The following MVP variants were observed in gnomAD, a reference collection of about 807,000 sequenced individuals.
The protein encoded by MVP is lung resistance-related protein.
Under a neutral mutation model 83.5 loss-of-function variants are expected in MVP, and 62 were observed. The observed-to-expected ratio is 0.74, with a 90% CI of 0.61 to 0.92. The LOEUF (loss-of-function observed/expected upper bound fraction) is 0.92, where lower values mean the gene tolerates loss of function less well. MVP is among the 40% of genes least tolerant of loss of function. The pLI is 0.00. For missense variants in MVP, 1,000 were observed against 1,203.4 expected, an observed-to-expected ratio of 0.83 and a Z score of 2.50; for synonymous variants, 505 against 504.1, an observed-to-expected ratio of 1.00 and a Z score of -0.02.
intron 10 of MVP, among the ~76,000 whole-genome samples, chr16:29,843,370 C>G (rs1265807683): frequency 6.6e-6 from 1 of 150,634 alleles, no homozygotes; most frequent in Non-Finnish European, 1.5e-5. Flanking sequence ...TGGTACATGT[C>G]TATAGACCCA....
intron 5 of MVP, chr16:29,834,508 A>G (rs1249987736): frequency 4.9e-6 from 1 of 205,950 alleles, no homozygotes; most frequent in African/African-American, 2.4e-5. Flanking sequence ...ATCTCTACAG[A>G]GAATTTAAAA....
At chr16:29,844,930 G>A in intron 11 of MVP, 51 bp downstream of exon 11, 2 of 1,550,232 alleles carry the variant, frequency 1.3e-6, no homozygotes, top group East Asian at 2.2e-5. Flanking sequence ...GCAGGCCACT[G>A]CTGGGAACTG....
chr16:29,845,763 C>T (rs551679388), intron 11 of MVP, 100 bp from the exon 12 acceptor site: 1 of 975,696 alleles, frequency 1.0e-6, no homozygotes, highest in South Asian at 1.5e-5. Flanking sequence ...GGGCTGGGGT[C>T]TGTCCTGGGC....
At chr16:29,837,861 A>G (rs913371377) in intron 7 of MVP, among the ~76,000 whole-genome samples, 1 of 152,114 alleles carries the variant, frequency 6.6e-6, no homozygotes, top group African/African-American at 2.4e-5. Context: ...CCTGGTGTTC[A>G]CTTTGCTTTG....
Position 29,845,863 on chromosome 16 carries a change from G to A in MVP, c.2022G>A (p.Lys674=). ...ITTNSQEAAA[K]HEAQRLEQEA... The stretch of plus-strand genomic sequence containing the variant: ...CTCACCTGCGCTCCGTCTCCTCCAG[G>A]CATGAGGCTCAGAGACTGGAGCAGG... The change falls in exon 12 of 15, where the codon AAG becomes AAA. Residue 674 remains lysine, a splice_region_variant and synonymous_variant. Coordinates refer to ENST00000357402, the MANE Select transcript of MVP (RefSeq NM_005115.5). The A allele has an allele frequency of 1.9e-5, 30 of 1,613,672 alleles. No homozygotes were observed. The highest frequency in any genetic ancestry group is 2.5e-5 in the Non-Finnish European group (30 of 1,179,680).
At chr16:29,837,091 T>A (rs2067494355) in intron 7 of MVP, 133 bp downstream of exon 7, 1 of 807,718 alleles carries the variant, frequency 1.2e-6, no homozygotes. Flanking sequence ...GCTTAGTTCT[T>A]ACACACCTGA....
Position 29,847,356 on chromosome 16 carries a change from G to A in MVP, c.2425G>A (p.Asp809Asn). The change falls in exon 14 of 15, where the codon GAC becomes AAC. Residue 809 changes from aspartate to asparagine, a missense_variant. By Grantham distance (23) the Asp-to-Asn change is conservative. Transcript: ENST00000357402. ...TEAIGPSTIR[D>N]LAVAGPEMQV... ...GGCCATAGGCCCCAGCACCATCAGG[G>A]ACCTTGCTGTGGCTGGGCCTGAGAT... 6.4e-7 allele frequency: 1 copy of A among 1,574,024 alleles called. No homozygotes were observed. Among genetic ancestry groups the A allele is most frequent in the Non-Finnish European group, 8.6e-7 (1 of 1,163,158 alleles).
In MVP at chr16:29,836,648, G is replaced by T. The variant is rs180939817; in HGVS notation, c.673-74G>T. ...AGATCTGGGAGCATTGGGAGCATTT[G>T]GTGGCCAATGGGGCTCGCAGATCCC... On this transcript the variant is annotated intron_variant, in intron 6 of 14. Coordinates refer to ENST00000357402, the MANE Select transcript of MVP (RefSeq NM_005115.5). 5.1e-6 allele frequency: 6 copies of T among 1,188,024 alleles called. No homozygotes were observed. The East Asian group carries it at 9.9e-5, about 20-fold the overall frequency. 73.6% of individuals were successfully genotyped at this position (1,188,024 alleles called of 1,614,324 possible). A position where few individuals can be genotyped will look rare whatever the true frequency, so the allele number is the denominator to read the frequency against.
At chr16:29,824,061 A>C (rs774155885) in intron 1 of MVP, among the ~76,000 whole-genome samples, 2 of 151,450 alleles carry the variant, frequency 1.3e-5, no homozygotes, top group Non-Finnish European at 2.9e-5. Flanking sequence ...TCCACTAAAA[A>C]CAAAATTATC....
intron 1 of MVP, chr16:29,820,817 G>A (rs9923649): frequency 0.16 from 24,548 of 152,154 alleles, 2,180 homozygotes; most frequent in African/African-American, 0.24. Flanking sequence ...AATCAGGTGG[G>A]GAACCTTACA....
chr16:29,821,910 A>G (rs1325680614), intron 1 of MVP, among the ~76,000 whole-genome samples: 1 of 152,196 alleles, frequency 6.6e-6, no homozygotes, highest in Non-Finnish European at 1.5e-5. Context: ...GCCTGCAAAA[A>G]GCAGCAGGAG....
At chr16:29,840,110 G>A in intron 7 of MVP, 68 bp from the exon 8 acceptor site, 1 of 1,495,844 alleles carries the variant, frequency 6.7e-7, no homozygotes, top group South Asian at 1.3e-5. Flanking sequence ...GCACAGGACT[G>A]GGGAGGTACC....
In MVP at chr16:29,842,111, T is replaced by G; in HGVS notation, c.1633T>G (p.Trp545Gly). Reference sequence around the variant, plus strand: ...GCTGCAACTGCAGCTGGCCTACAACTGGTAAAAATGGGGACAGGGCATGGG... The same window carrying G: ...GCTGCAACTGCAGCTGGCCTACAACGGGTAAAAATGGGGACAGGGCATGGG... Reference protein sequence around the residue: ...ARLQLQLAYNWHFEVNDRKDP... With the variant: ...ARLQLQLAYNGHFEVNDRKDP... The change falls in exon 10 of 15, where the codon TGG becomes GGG. Residue 545 changes from tryptophan (W) to glycine (G), a missense_variant and splice_region_variant. By Grantham distance (184) the Trp-to-Gly change is radical. Coordinates refer to ENST00000357402, the MANE Select transcript of MVP (RefSeq NM_005115.5). The G allele has an allele frequency of 6.3e-7, 1 of 1,597,142 alleles. No homozygotes were observed. The highest frequency in any genetic ancestry group is 8.5e-7 in the Non-Finnish European group (1 of 1,176,956).
intron 1 of MVP, among the ~76,000 whole-genome samples, chr16:29,825,688 C>T (rs2067400157): frequency 1.3e-5 from 2 of 152,208 alleles, no homozygotes; most frequent in Non-Finnish European, 2.9e-5. Context: ...TGCTGAGTCA[C>T]TGAGCTGGGC....
chr16:29,824,261 T>C (rs1596907323), intron 1 of MVP, among the ~76,000 whole-genome samples: 1 of 137,846 alleles, frequency 7.3e-6, no homozygotes, highest in African/African-American at 2.7e-5. Flanking sequence ...AGATGACCAG[T>C]GTGCAGCCCG....
At position 29,842,110 on chromosome 16, in the gene MVP, C is replaced by G. The variant is rs2067540927; in HGVS notation, c.1632C>G (p.Asn544Lys). The G allele has an allele frequency of 6.3e-7, 1 of 1,598,584 alleles. No individual in the cohort carries two copies. The highest frequency in any genetic ancestry group is 8.5e-7 in the Non-Finnish European group (1 of 1,177,554). The change falls in exon 10 of 15, where the codon AAC becomes AAG. Residue 544 changes from asparagine (N) to lysine (K), a missense_variant and splice_region_variant. Physicochemically the swap from Asn to Lys is moderately conservative, Grantham distance 94 (BLOSUM62 0). Transcript: ENST00000357402. ...HARLQLQLAY[N>K]WHFEVNDRKD... is the part of the protein sequence containing the mutation. ...GGCTGCAACTGCAGCTGGCCTACAA[C>G]TGGTAAAAATGGGGACAGGGCATGG...
At position 29,841,523 on chromosome 16, in the gene MVP, C is replaced by T; in HGVS notation, c.1192-73C>T. 6.6e-7 allele frequency: 1 copy of T among 1,509,518 alleles called. No individual in the cohort carries two copies. The highest frequency in any genetic ancestry group is 8.8e-7 in the Non-Finnish European group (1 of 1,130,148). 93.5% of individuals were successfully genotyped at this position (1,509,518 alleles called of 1,614,324 possible). ...GCGCGCCTTCCCTGGATGGGCTCTG[C>T]TTTGGGACAGCTGGGCGGATCTTCC... On this transcript the variant is annotated intron_variant, in intron 8 of 14. Coordinates refer to ENST00000357402, the MANE Select transcript of MVP (RefSeq NM_005115.5). This position sits in a 1 kb window ranked among gnomAD's most constrained non-coding sequence, Gnocchi z 4.7.
rs751255486 is a variant in MVP, at chr16:29,835,777, C to T, written c.651C>T (p.Asp217=). Residue 217 remains aspartate, a synonymous_variant, in exon 6 of 15, where the codon GAC becomes GAT. Coordinates refer to ENST00000357402, the MANE Select transcript of MVP (RefSeq NM_005115.5). ...AVFEEVLDLV[D]AVILTEKTAL... ...TTGAGGAGGTTCTGGATTTGGTGGA[C>T]GCCGTCATCCTTACGGAAAAGGTTG... The T allele has an allele frequency of 5.8e-5, 93 of 1,613,646 alleles. No individual in the cohort carries two copies. The highest frequency in any genetic ancestry group is 1.6e-4 in the Middle Eastern group (1 of 6,062).
Position 29,840,658 on chromosome 16 carries a change from C to A in MVP, c.1191+199C>A, listed in dbSNP as rs112333043. Among the ~76,000 whole-genome samples, 908 of 152,202 alleles carry A rather than the reference C, an allele frequency of 6.0e-3. 7 individuals are homozygous for A. The highest frequency in any genetic ancestry group is 0.019 in the African/African-American group (788 of 41,526). On this transcript the variant is annotated intron_variant, in intron 8 of 14. Coordinates refer to ENST00000357402, the MANE Select transcript of MVP (RefSeq NM_005115.5). ...AAATGTCTCATTTGAAATGTTAGAA[C>A]CAACCAGGTGCGGTAGCTCACATCT...
Sources: gnomAD v4.1 joint callset for allele counts (sites outside exome capture counted in the v4.1 genomes callset) on GRCh38, gnomAD v4.1.1 for gene constraint, Gnocchi (gnomAD v3.1) non-coding constraint, MANE v1.5 for transcripts, NCBI Gene and HGNC (gene_info 2026-07-23, HGNC 2026-07-21) for gene names.